Variants in PKD2 observed in about 807,000 individuals in gnomAD.
PKD2 encodes polycystin-2.
A neutral mutation model predicts 105.9 loss-of-function variants in PKD2; 48 were observed. The ratio of observed to expected loss-of-function variants is 0.45; its 90% CI spans 0.36 to 0.58. The LOEUF (loss-of-function observed/expected upper bound fraction) is 0.58, where lower values mean the gene tolerates loss of function less well. PKD2 is among the 20% of genes least tolerant of loss of function. The probability of loss-of-function intolerance (pLI) is 0.00; values close to 1 mark genes in which losing one functional copy is unlikely to be tolerated. For missense variants in PKD2, 1,078 were observed against 1,255.3 expected, an observed-to-expected ratio of 0.86 and a Z score of 2.13; for synonymous variants, 464 against 481.1, an observed-to-expected ratio of 0.96 and a Z score of 0.46.
intron 13 of PKD2, among the ~76,000 whole-genome samples, chr4:88,070,574 TTATATATATA>T (rs57470805): frequency 9.9e-4 from 113 of 113,930 alleles, no homozygotes; most frequent in African/African-American, 3.4e-3. Flanking sequence ...TTTATTTATT[TTATATATATA>T]TATATATATA....
intron 5 of PKD2, among the ~76,000 whole-genome samples, chr4:88,045,699 CAGTAAAG>C (rs1485090055): frequency 6.6e-6 from 1 of 152,090 alleles, no homozygotes; most frequent in Non-Finnish European, 1.5e-5. Context: ...TATGGTAAAG[CAGTAAAG>C]ATCAGAGCCA....
At chr4:88,068,761 T>C (rs1720890154) in intron 13 of PKD2, among the ~76,000 whole-genome samples, 1 of 152,196 alleles carries the variant, frequency 6.6e-6, no homozygotes, top group Non-Finnish European at 1.5e-5. Flanking sequence ...GTCTAGTTTG[T>C]TTACAGTTTT....
intron 5 of PKD2, among the ~76,000 whole-genome samples, chr4:88,046,168 C>A (rs1384812732): frequency 2.0e-5 from 3 of 151,998 alleles, no homozygotes. Context: ...TGCACACTTA[C>A]ATTCCCAGCT....
At chr4:88,051,153 A>G (rs886721753) in intron 6 of PKD2, among the ~76,000 whole-genome samples, 6 of 152,116 alleles carry the variant, frequency 3.9e-5, no homozygotes, top group Admixed American at 3.3e-4. Flanking sequence ...GAACCAAAGC[A>G]TATGTGGAAA....
intron 2 of PKD2, among the ~76,000 whole-genome samples, chr4:88,034,181 A>T (rs1467695019): frequency 6.6e-6 from 1 of 152,150 alleles, no homozygotes; most frequent in East Asian, 1.9e-4. Flanking sequence ...AGGTTATAAG[A>T]TGACAGGTGA....
intron 2 of PKD2, among the ~76,000 whole-genome samples, chr4:88,022,621 C>CT (rs1291938546): frequency 6.6e-6 from 1 of 152,176 alleles, no homozygotes; most frequent in African/African-American, 2.4e-5. Flanking sequence ...TACCAGCTAT[C>CT]TTTTTAATTA....
intron 3 of PKD2, 32 bp downstream of exon 3, chr4:88,036,385 T>C: frequency 6.2e-7 from 1 of 1,610,132 alleles, no homozygotes; most frequent in Non-Finnish European, 8.5e-7. Context: ...AGTACCTCTC[T>C]ATCACAGAAA....
At chr4:88,013,712 A>AAT (rs1215695809) in intron 1 of PKD2, among the ~76,000 whole-genome samples, 1 of 151,100 alleles carries the variant, frequency 6.6e-6, no homozygotes, top group South Asian at 2.1e-4. Context: ...CTGTATCTAA[A>AAT]AAAAAAAAAA....
chr4:88,040,669 A>T lies in PKD2; in HGVS notation c.1094+2168A>T, dbSNP rs539289125. 1.8e-4 allele frequency among the ~76,000 whole-genome samples: 28 copies of T among 152,308 alleles called. No homozygotes were observed. In the South Asian group the frequency reaches 3.3e-3, roughly 18 times the overall value. On this transcript the variant is annotated intron_variant, in intron 4 of 14. Transcript: ENST00000237596. ...GGACCTCTAGTTAGCAAATCCACTGAACAAATCTCAGTTTTTATCCCCTTC... is the reference window on the plus strand; with the variant it reads ...GGACCTCTAGTTAGCAAATCCACTGTACAAATCTCAGTTTTTATCCCCTTC...
At chr4:88,052,305 G>A in intron 7 of PKD2, 147 bp downstream of exon 7, 1 of 652,586 alleles carries the variant, frequency 1.5e-6, no homozygotes, top group Non-Finnish European at 2.7e-6. Flanking sequence ...GTCTCACTCT[G>A]TCACCCAGGC....
Position 88,072,275 on chromosome 4 carries a change from G to A in PKD2, c.2523-2537G>A, listed in dbSNP as rs139315894. 2.5e-4 allele frequency among the ~76,000 whole-genome samples: 38 copies of A among 152,116 alleles called. No homozygotes were observed. In the East Asian group the frequency reaches 6.6e-3, roughly 26 times the overall value. On this transcript the variant is annotated intron_variant, in intron 13 of 14. Coordinates refer to ENST00000237596, the MANE Select transcript of PKD2 (RefSeq NM_000297.4). ...CGGGATTACAGATATGCACCACCAC[G>A]CCTGGCCCCTGAGGCCAGTCTTTAA...
intron 13 of PKD2, among the ~76,000 whole-genome samples, chr4:88,068,486 G>T (rs2110141959): frequency 6.6e-6 from 1 of 151,522 alleles, no homozygotes; most frequent in Non-Finnish European, 1.5e-5. Context: ...AAAAAAACTT[G>T]TCAATTGGTG....
rs145820729 is a variant in PKD2, at chr4:88,074,567, C to A, written c.2523-245C>A. On this transcript the variant is annotated intron_variant, in intron 13 of 14. Transcript: ENST00000237596. ...AATGTTCTAAAAATGGAATGTCTAA[C>A]TAAAGGGTTAGGCATACATTCTTAA... Among the ~76,000 whole-genome samples, 101 of 152,240 alleles carry A rather than the reference C, an allele frequency of 6.6e-4. No homozygotes were observed. In the South Asian group the frequency reaches 9.5e-3, roughly 14 times the overall value.
At chr4:88,055,082 A>G (rs1336470184) in intron 7 of PKD2, among the ~76,000 whole-genome samples, 1 of 152,098 alleles carries the variant, frequency 6.6e-6, no homozygotes, top group African/African-American at 2.4e-5. Context: ...TGCAGGGTTC[A>G]CTGTCTACCA....
chr4:88,015,537 C>A (rs540513449), intron 1 of PKD2, among the ~76,000 whole-genome samples: 1 of 152,062 alleles, frequency 6.6e-6, no homozygotes, highest in South Asian at 2.1e-4. Flanking sequence ...CTCAGCCTCC[C>A]GAGTAGCTGG....
At chr4:88,022,288 G>A (rs892988960) in intron 2 of PKD2, among the ~76,000 whole-genome samples, 4 of 152,098 alleles carry the variant, frequency 2.6e-5, no homozygotes, top group Non-Finnish European at 5.9e-5. Context: ...GCTACTCCCC[G>A]AAGCCTCACA....
At chr4:88,070,628 A>AGAGAGAG (rs1578151002) in intron 13 of PKD2, among the ~76,000 whole-genome samples, 1 of 146,040 alleles carries the variant, frequency 6.8e-6, no homozygotes, top group East Asian at 2.0e-4. Context: ...AGAGAGAGAG[A>AGAGAGAG]AAGAGAGAGA....
chr4:88,044,801 G>A (rs1476687550), intron 5 of PKD2, among the ~76,000 whole-genome samples: 1 of 152,050 alleles, frequency 6.6e-6, no homozygotes, highest in Non-Finnish European at 1.5e-5. Context: ...GTTCATGGCG[G>A]TGCTCAGAAA....
At chr4:88,022,895 A>G (rs1467550952) in intron 2 of PKD2, among the ~76,000 whole-genome samples, 2 of 152,090 alleles carry the variant, frequency 1.3e-5, no homozygotes, top group African/African-American at 4.8e-5. Context: ...AGCCTGGACA[A>G]CAAGGTGAAA....
Sources: allele counts gnomAD v4.1 joint callset (sites outside exome capture counted in the v4.1 genomes callset), GRCh38; gene constraint gnomAD v4.1.1; transcripts MANE v1.5; gene names NCBI Gene and HGNC (gene_info 2026-07-23, HGNC 2026-07-21).